RP1: variants seen among roughly 807,000 people sequenced by gnomAD.
RP1 encodes the protein RP1 axonemal microtubule associated.
RP1 carries 16 observed loss-of-function variants against 14.8 expected under a neutral mutation model. That is an observed-to-expected ratio of 1.08 (90% CI 0.73 to 1.65). The LOEUF (loss-of-function observed/expected upper bound fraction) is 1.65, where lower values mean the gene tolerates loss of function less well. Among genes scored for constraint, RP1 ranks in the 40% most tolerant of loss-of-function variants. RP1 has a pLI of 0.00. For missense variants in RP1, 2,631 were observed against 2,535.0 expected, an observed-to-expected ratio of 1.04 and a Z score of -0.81; for synonymous variants, 876 against 883.6, an observed-to-expected ratio of 0.99 and a Z score of 0.15.
intron 6 of RP1, among the ~76,000 whole-genome samples, chr8:54,661,673 C>A (rs1159839600): frequency 6.6e-6 from 1 of 152,026 alleles, no homozygotes; most frequent in African/African-American, 2.4e-5. Context: ...CAGTGCAGAA[C>A]CGTGTTTGAA....
At chr8:54,779,001 C>CT (rs1316977313) in intron 23 of RP1, among the ~76,000 whole-genome samples, 1 of 152,112 alleles carries the variant, frequency 6.6e-6, no homozygotes, top group Non-Finnish European at 1.5e-5. Flanking sequence ...TCTCACAGGG[C>CT]TTTTTTGGAG....
Position 54,717,012 on chromosome 8 carries a change from C to T in RP1, c.2212-3117C>T, listed in dbSNP as rs141015093. Among the ~76,000 whole-genome samples the T allele has an allele frequency of 4.0e-4, 61 of 152,230 alleles. 1 individual carries two copies. In the East Asian group the frequency reaches 0.012, roughly 29 times the overall value. On this transcript the variant is annotated intron_variant, in intron 15 of 22. Coordinates refer to the RP1 transcript ENST00000636932. ...CTCTCTTCTAGTCATTTGTCCCAGGCCCCTCCTTTCAGAATCGGATGCACC... is the reference window on the plus strand; with the variant it reads ...CTCTCTTCTAGTCATTTGTCCCAGGTCCCTCCTTTCAGAATCGGATGCACC...
chr8:54,781,687 A>G (rs1372534375), intron 23 of RP1, among the ~76,000 whole-genome samples: 1 of 152,210 alleles, frequency 6.6e-6, no homozygotes, highest in East Asian at 1.9e-4. Flanking sequence ...GTAGTGAAAC[A>G]TTCTTAGAGA....
At position 54,734,501 on chromosome 8, in the gene RP1, T is replaced by C. The variant is rs1327803171; in HGVS notation, c.2522-44T>C. On this transcript the variant is annotated intron_variant, in intron 17 of 22. Transcript: ENST00000636932. ...AGTGTGACAAAGGATTCTGTCAGCC[T>C]GATGTTATATCTGATCTGCCACTAA... 2.7e-6 allele frequency: 4 copies of C among 1,488,226 alleles called. No individual in the cohort carries two copies. The South Asian group carries it at 5.2e-5, about 19-fold the overall frequency. The allele number at this position is 1,488,226 out of a possible 1,614,324, so 92.2% of individuals were successfully genotyped here. A position where few individuals can be genotyped will look rare whatever the true frequency, so the allele number is the denominator to read the frequency against.
At chr8:54,686,118 T>A (rs534763001) in intron 12 of RP1, among the ~76,000 whole-genome samples, 86 of 152,330 alleles carry the variant, frequency 5.6e-4, no homozygotes, top group African/African-American at 2.0e-3. Context: ...TGAGAAGTTC[T>A]AAAAAAGGCA....
chr8:54,574,947 C>T (rs972886275), intron 1 of RP1, among the ~76,000 whole-genome samples: 1 of 152,148 alleles, frequency 6.6e-6, no homozygotes, highest in African/African-American at 2.4e-5. Context: ...AGGGATTCCT[C>T]ATTAAAGGCC....
intron 19 of RP1, among the ~76,000 whole-genome samples, chr8:54,741,244 C>CGGT (rs1373587817): frequency 6.6e-6 from 1 of 152,072 alleles, no homozygotes; most frequent in African/African-American, 2.4e-5. Context: ...ATGAAGCCTA[C>CGGT]AGTAGTGTAC....
exon 26 of RP1, chr8:54,852,666 G>C (rs562184122): frequency 8.1e-7 from 1 of 1,231,826 alleles, no homozygotes; most frequent in East Asian, 3.2e-5. Context: ...TACCAGAGGT[G>C]ATTCAGGAAA....
At chr8:54,680,001 A>G in intron 12 of RP1, 1 of 1,481,322 alleles carries the variant, frequency 6.8e-7, no homozygotes, top group Non-Finnish European at 8.9e-7. Flanking sequence ...AGATTTCTAG[A>G]CACAGTTTAA....
chr8:54,844,777 T>C (rs774001034), intron 25 of RP1, among the ~76,000 whole-genome samples: 2 of 152,168 alleles, frequency 1.3e-5, no homozygotes, highest in Non-Finnish European at 2.9e-5. Context: ...TGTGATCCTA[T>C]AGTTGATTTG....
intron 24 of RP1, among the ~76,000 whole-genome samples, chr8:54,819,415 TTC>T (rs1811205015): frequency 6.6e-6 from 1 of 152,128 alleles, no homozygotes; most frequent in East Asian, 1.9e-4. Flanking sequence ...CTATTTTGAA[TTC>T]TCTGTCTGAA....
At chr8:54,761,408 T>G (rs1466112471) in intron 22 of RP1, among the ~76,000 whole-genome samples, 1 of 151,906 alleles carries the variant, frequency 6.6e-6, no homozygotes, top group Non-Finnish European at 1.5e-5. Context: ...GGCTAATTTT[T>G]GTATTTTTAG....
intron 24 of RP1, among the ~76,000 whole-genome samples, chr8:54,797,530 A>AACAC (rs3077304): frequency 0.21 from 30,480 of 147,966 alleles, 3,290 homozygotes; most frequent in Middle Eastern, 0.32. Context: ...CATAGGACTA[A>AACAC]ACACACACAC....
At chr8:54,559,559 T>G (rs1804237875) in intron 1 of RP1, among the ~76,000 whole-genome samples, 1 of 152,164 alleles carries the variant, frequency 6.6e-6, no homozygotes, top group Non-Finnish European at 1.5e-5. Context: ...ATTTTTCCTG[T>G]GAGGCATTTT....
At chr8:54,697,509 T>G (rs1807897845) in intron 12 of RP1, among the ~76,000 whole-genome samples, 1 of 152,108 alleles carries the variant, frequency 6.6e-6, no homozygotes, top group African/African-American at 2.4e-5. Context: ...GAGCCAAGAT[T>G]GTGCCATTGC....
At chr8:54,726,517 C>T (rs763985917) in intron 17 of RP1, 61 of 1,503,628 alleles carry the variant, frequency 4.1e-5, no homozygotes, top group Non-Finnish European at 5.0e-5. Context: ...GGTTTGTTTG[C>T]TGCATTATTT....
chr8:54,635,829 C>A (rs917623378), downstream of RP1, among the ~76,000 whole-genome samples: 2 of 152,128 alleles, frequency 1.3e-5, no homozygotes, highest in Admixed American at 1.3e-4. Flanking sequence ...GAACTTATTT[C>A]TTTAAATTAG....
At chr8:54,568,718 G>A (rs534433650) in intron 1 of RP1, among the ~76,000 whole-genome samples, 2 of 152,336 alleles carry the variant, frequency 1.3e-5, no homozygotes, top group African/African-American at 2.4e-5. Context: ...CAGGCACATT[G>A]TAAGGTGAAA....
Position 54,627,452 on chromosome 8 carries a change from T to C in RP1, c.3570T>C (p.Thr1190=). 6.2e-7 allele frequency: 1 copy of C among 1,614,170 alleles called. No individual in the cohort carries two copies. Among genetic ancestry groups the C allele is most frequent in the Non-Finnish European group, 8.5e-7 (1 of 1,179,974 alleles). ...KAAVANLVES[T]TSHFGLSEKE... ...CTGTTGCCAATTTAGTGGAGTCAAC[T>C]ACAAGCCACTTTGGACTCAGTGAGA... The change falls in exon 4 of 4, where the codon ACT becomes ACC. Residue 1190 remains threonine (T), a synonymous_variant. Coordinates refer to ENST00000220676, the MANE Select transcript of RP1 (RefSeq NM_006269.2).
Sources: gnomAD v4.1 joint callset for allele counts (sites outside exome capture counted in the v4.1 genomes callset) on GRCh38, gnomAD v4.1.1 for gene constraint, MANE v1.5 for transcripts, NCBI Gene and HGNC (gene_info 2026-07-23, HGNC 2026-07-21) for gene names.